Variants in CSMD3 observed in about 807,000 individuals in gnomAD.
The protein encoded by CSMD3 is CUB and Sushi multiple domains 3.
CSMD3 carries 177 observed loss-of-function variants against 435.2 expected under a neutral mutation model. That is an observed-to-expected ratio of 0.41 (90% confidence interval 0.36 to 0.46). CSMD3 has a LOEUF of 0.46. Ranked by LOEUF, CSMD3 falls within the 20% of genes least tolerant of loss-of-function variation. CSMD3 has a pLI of 0.34. For synonymous variants in CSMD3, 1,656 were observed against 1,520.5 expected, an observed-to-expected ratio of 1.09 and a Z score of -2.07; for missense variants, 4,265 against 4,504.6, an observed-to-expected ratio of 0.95 and a Z score of 1.52.
intron 8 of CSMD3, among the ~76,000 whole-genome samples, chr8:112,950,368 G>T (rs576251369): frequency 6.6e-6 from 1 of 151,872 alleles, no homozygotes; most frequent in African/African-American, 2.4e-5. Flanking sequence ...AAAAGAGGTG[G>T]CATGACTTAA....
intron 13 of CSMD3, among the ~76,000 whole-genome samples, chr8:112,795,245 T>C (rs1007118155): frequency 5.3e-5 from 8 of 152,064 alleles, no homozygotes; most frequent in Non-Finnish European, 1.2e-4. Context: ...AGCAAATTGA[T>C]CCCAGGGTGT....
Position 112,263,779 on chromosome 8 carries a change from T to A in CSMD3, c.9722A>T (p.Asn3241Ile), listed in dbSNP as rs2130385535. The change falls in exon 61 of 71, where the codon AAT becomes ATT. Residue 3241 changes from asparagine (N) to isoleucine (I), a missense_variant. By Grantham distance (149) the Asn-to-Ile change is moderately radical. Around this residue, in one of 3 missense-constraint regions of CSMD3, gnomAD observed 3,255 missense variants for 3,380.2 expected, o/e 0.96. Coordinates refer to ENST00000297405, the MANE Select transcript of CSMD3 (RefSeq NM_198123.2). ...VTCPTPPQISNGRLEGTNFDW... is the reference protein window; with the variant it reads ...VTCPTPPQISIGRLEGTNFDW... Reference sequence around the variant, plus strand: ...GAAATTTGTTCCTTCCAGCCTTCCATTAGAGATCTGGGGAGGAGTTGGGCA... The same window carrying A: ...GAAATTTGTTCCTTCCAGCCTTCCAATAGAGATCTGGGGAGGAGTTGGGCA... The A allele has an allele frequency of 1.2e-6, 2 of 1,613,802 alleles. No individual in the cohort carries two copies. The highest frequency in any genetic ancestry group is 1.7e-6 in the Non-Finnish European group (2 of 1,179,762).
At chr8:113,047,086 G>C (rs2131310567) in intron 5 of CSMD3, among the ~76,000 whole-genome samples, 1 of 152,326 alleles carries the variant, frequency 6.6e-6, no homozygotes, top group Admixed American at 6.5e-5. Context: ...CGGAAGAAGA[G>C]GAAGTTCTGA....
intron 10 of CSMD3, among the ~76,000 whole-genome samples, chr8:112,900,729 A>G (rs2082090220): frequency 6.6e-6 from 1 of 151,244 alleles, no homozygotes; most frequent in South Asian, 2.1e-4. Flanking sequence ...AAGCTCTTTA[A>G]AAGAAGAAGA....
chr8:113,210,139 G>T (rs985208554), intron 3 of CSMD3, among the ~76,000 whole-genome samples: 2 of 151,118 alleles, frequency 1.3e-5, no homozygotes, highest in African/African-American at 4.9e-5. Context: ...ATCATATTTT[G>T]CTTTTCACCA....
At chr8:113,120,173 A>G (rs1445907592) in intron 4 of CSMD3, among the ~76,000 whole-genome samples, 3 of 152,088 alleles carry the variant, frequency 2.0e-5, no homozygotes, top group Non-Finnish European at 4.4e-5. Context: ...TGCTTCAAGT[A>G]TCAGGACTTT....
intron 31 of CSMD3, among the ~76,000 whole-genome samples, chr8:112,491,874 T>C (rs1438051191): frequency 3.9e-5 from 6 of 152,246 alleles, no homozygotes; most frequent in South Asian, 2.1e-4. Flanking sequence ...TACAATGCAC[T>C]AGGATCATTC....
intron 2 of CSMD3, among the ~76,000 whole-genome samples, chr8:113,301,003 T>C (rs1238712594): frequency 1.3e-5 from 2 of 152,158 alleles, no homozygotes; most frequent in Admixed American, 6.6e-5. Flanking sequence ...TGGGATGATA[T>C]ATATTTTATA....
At chr8:112,308,970 T>A (rs1821702626) in intron 50 of CSMD3, among the ~76,000 whole-genome samples, 1 of 152,004 alleles carries the variant, frequency 6.6e-6, no homozygotes, top group African/African-American at 2.4e-5. Context: ...AATGTCCAAA[T>A]AGAGGTCATA....
intron 4 of CSMD3, among the ~76,000 whole-genome samples, chr8:113,150,349 C>A (rs941115194): frequency 6.6e-6 from 1 of 151,932 alleles, no homozygotes; most frequent in Non-Finnish European, 1.5e-5. Flanking sequence ...TGATACTATG[C>A]AGCAGCAGAT....
chr8:112,267,166 T>G (rs555716702), intron 59 of CSMD3, among the ~76,000 whole-genome samples: 1 of 152,320 alleles, frequency 6.6e-6, no homozygotes, highest in Admixed American at 6.5e-5. Context: ...GAATGATTAA[T>G]GTCAAGATTC....
At chr8:112,881,442 A>G (rs2081445507) in intron 10 of CSMD3, among the ~76,000 whole-genome samples, 1 of 152,082 alleles carries the variant, frequency 6.6e-6, no homozygotes, top group South Asian at 2.1e-4. Context: ...GTATCTAACA[A>G]CCAAAGTGTT....
chr8:113,176,661 G>T (rs2092350734), intron 3 of CSMD3, among the ~76,000 whole-genome samples: 1 of 151,600 alleles, frequency 6.6e-6, no homozygotes, highest in Admixed American at 6.6e-5. Flanking sequence ...TTTCAGAACA[G>T]AAAACCAAAC....
At chr8:112,249,661 A>G (rs1273378026) in intron 63 of CSMD3, among the ~76,000 whole-genome samples, 1 of 152,088 alleles carries the variant, frequency 6.6e-6, no homozygotes, top group Admixed American at 6.6e-5. Context: ...AAAGGCCTCC[A>G]TAACTGAGAA....
chr8:112,565,542 T>G (rs1053602989), intron 24 of CSMD3, among the ~76,000 whole-genome samples: 1 of 152,150 alleles, frequency 6.6e-6, no homozygotes, highest in Non-Finnish European at 1.5e-5. Flanking sequence ...TATTAAATGA[T>G]TTCAAGCAAC....
intron 12 of CSMD3, among the ~76,000 whole-genome samples, chr8:112,818,320 T>A (rs560148104): frequency 3.4e-4 from 52 of 152,260 alleles, no homozygotes; most frequent in Non-Finnish European, 5.4e-4. Context: ...GCTGAAGTCA[T>A]CTTCTAATAA....
intron 11 of CSMD3, among the ~76,000 whole-genome samples, chr8:112,850,178 T>C (rs538618656): frequency 3.9e-5 from 6 of 152,142 alleles, no homozygotes; most frequent in Non-Finnish European, 8.8e-5. Flanking sequence ...TCAACACCAA[T>C]ATTTTTCAGT....
intron 5 of CSMD3, among the ~76,000 whole-genome samples, chr8:113,089,206 A>G (rs1210224495): frequency 6.6e-6 from 1 of 152,056 alleles, no homozygotes; most frequent in Non-Finnish European, 1.5e-5. Flanking sequence ...TTCATTCAAC[A>G]TCACTCTTGG....
intron 13 of CSMD3, among the ~76,000 whole-genome samples, chr8:112,737,736 A>C (rs1222230581): frequency 6.6e-6 from 1 of 151,844 alleles, no homozygotes; most frequent in Non-Finnish European, 1.5e-5. Context: ...TCTGGACAAC[A>C]TAACAGCTGA....
Sources: gnomAD v4.1 joint callset for allele counts (sites outside exome capture counted in the v4.1 genomes callset) on GRCh38, gnomAD v4.1.1 for gene constraint, gnomAD v4.1.1 regional missense constraint, MANE v1.5 for transcripts, NCBI Gene and HGNC (gene_info 2026-07-23, HGNC 2026-07-21) for gene names.